The following ABTB3 variants were observed in gnomAD, a reference collection of about 807,000 sequenced individuals.
The protein encoded by ABTB3 is ankyrin repeat- and BTB/POZ domain-containing protein 3.
chr12:107,521,439 A>G, the ABTB3 span, among the ~76,000 whole-genome samples: 1 of 152,208 alleles, frequency 6.6e-6, no homozygotes, highest in South Asian at 2.1e-4. Flanking sequence ...AGGGATTTTA[A>G]CACAAATGAT....
the ABTB3 span, among the ~76,000 whole-genome samples, chr12:107,549,787 G>A: frequency 1.1e-4 from 17 of 152,298 alleles, no homozygotes; most frequent in Non-Finnish European, 1.9e-4. Context: ...TGGCCTGGAG[G>A]TACCAGAAAT....
the ABTB3 span, among the ~76,000 whole-genome samples, chr12:107,402,606 G>A: frequency 6.6e-6 from 1 of 152,082 alleles, no homozygotes; most frequent in Non-Finnish European, 1.5e-5. Flanking sequence ...CTTGCACCTT[G>A]CTCCCCCTAG....
the ABTB3 span, among the ~76,000 whole-genome samples, chr12:107,516,492 A>G: frequency 2.6e-5 from 4 of 152,274 alleles, no homozygotes; most frequent in South Asian, 8.3e-4. Flanking sequence ...TCGGCCTCCC[A>G]AAGTGCTGGG....
the ABTB3 span, among the ~76,000 whole-genome samples, chr12:107,338,778 G>C: frequency 5.3e-3 from 809 of 152,328 alleles, 12 homozygotes; most frequent in African/African-American, 0.019. Context: ...CAGAGGTGAT[G>C]AGGCTCCTCG....
chr12:107,443,374 C>T, the ABTB3 span, among the ~76,000 whole-genome samples: 1 of 151,952 alleles, frequency 6.6e-6, no homozygotes, highest in Non-Finnish European at 1.5e-5. Flanking sequence ...CAGCCTGCTG[C>T]TGGATAGGTA....
the ABTB3 span, among the ~76,000 whole-genome samples, chr12:107,477,562 T>C: frequency 1.8e-4 from 28 of 152,192 alleles, no homozygotes; most frequent in Non-Finnish European, 2.5e-4. Context: ...TCCCGCCATA[T>C]AGGTGGACCT....
At chr12:107,448,916 G>A in the ABTB3 span, among the ~76,000 whole-genome samples, 1 of 152,214 alleles carries the variant, frequency 6.6e-6, no homozygotes, top group Non-Finnish European at 1.5e-5. Context: ...ACAGAGTAGT[G>A]CTTGGTGATG....
chr12:107,635,270 C>T, the ABTB3 span: 5 of 1,611,900 alleles, frequency 3.1e-6, no homozygotes, highest in Non-Finnish European at 4.2e-6. Flanking sequence ...ATGACCTCCT[C>T]TTTCTTTTCT....
chr12:107,520,413 T>C, the ABTB3 span: 3 of 1,555,960 alleles, frequency 1.9e-6, no homozygotes, highest in Admixed American at 5.2e-5. Context: ...TGCAAGATGT[T>C]GCACCCTTCC....
the ABTB3 span, among the ~76,000 whole-genome samples, chr12:107,458,061 T>C: frequency 3.9e-5 from 6 of 152,186 alleles, no homozygotes; most frequent in African/African-American, 1.2e-4. Context: ...TGGGTGTGAG[T>C]ACCCAGTAAA....
chr12:107,602,832 C>T, the ABTB3 span, among the ~76,000 whole-genome samples: 1 of 152,202 alleles, frequency 6.6e-6, no homozygotes, highest in Non-Finnish European at 1.5e-5. Context: ...AAAGCAACGC[C>T]ATCGCTTGCT....
chr12:107,480,875 A>C, the ABTB3 span, among the ~76,000 whole-genome samples: 2 of 152,352 alleles, frequency 1.3e-5, no homozygotes, highest in South Asian at 4.1e-4. Flanking sequence ...CACTGCCTGC[A>C]TTACAAAACC....
At chr12:107,459,147 A>G in the ABTB3 span, among the ~76,000 whole-genome samples, 1 of 152,208 alleles carries the variant, frequency 6.6e-6, no homozygotes, top group African/African-American at 2.4e-5. Context: ...CCACAACCCT[A>G]TGGAGTAGGC....
At chr12:107,576,288 G>A in the ABTB3 span, among the ~76,000 whole-genome samples, 16,020 of 152,264 alleles carry the variant, frequency 0.11, 1,190 homozygotes, top group East Asian at 0.25. Context: ...AAGTATATTA[G>A]TTTGCTGGGG....
chr12:107,462,319 C>T, the ABTB3 span, among the ~76,000 whole-genome samples: 2 of 152,148 alleles, frequency 1.3e-5, no homozygotes, highest in African/African-American at 2.4e-5. Flanking sequence ...TTTCTGAGAG[C>T]GGAGAAGTCC....
the ABTB3 span, among the ~76,000 whole-genome samples, chr12:107,386,890 A>AGTGTGTGTGTGT: frequency 0.019 from 2,720 of 143,302 alleles, 33 homozygotes; most frequent in Non-Finnish European, 0.02. Context: ...GGAAATGGAA[A>AGTGTGTGTGTGT]GTGTGTGTGT....
At chr12:107,657,192 C>T in the ABTB3 span, among the ~76,000 whole-genome samples, 1 of 152,216 alleles carries the variant, frequency 6.6e-6, no homozygotes. Flanking sequence ...ACAGAATTAC[C>T]ACATGCATCC....
the ABTB3 span, among the ~76,000 whole-genome samples, chr12:107,477,453 A>G: frequency 6.6e-6 from 1 of 152,142 alleles, no homozygotes; most frequent in African/African-American, 2.4e-5. Context: ...GGGAATTTTA[A>G]TCTATCAGTA....
At chr12:107,513,177 C>T in the ABTB3 span, among the ~76,000 whole-genome samples, 4 of 152,190 alleles carry the variant, frequency 2.6e-5, no homozygotes, top group African/African-American at 9.7e-5. Flanking sequence ...GGCTGTTCTC[C>T]TCCTTCTCCT....
Sources: allele counts gnomAD v4.1 joint callset (sites outside exome capture counted in the v4.1 genomes callset), GRCh38; gene constraint gnomAD v4.1.1; transcripts MANE v1.5; gene names NCBI Gene and HGNC (gene_info 2026-07-23, HGNC 2026-07-21).